WDFY4: variants seen among roughly 807,000 people sequenced by gnomAD.
WDFY4 encodes WDFY family member 4.
WDFY4 carries 169 observed loss-of-function variants against 351.9 expected under a neutral mutation model. That is an observed-to-expected ratio of 0.48 (90% CI 0.42 to 0.55). WDFY4 has a LOEUF of 0.55. Among genes scored for constraint, WDFY4 ranks in the 20% least tolerant of loss-of-function variants. WDFY4 has a pLI of 0.00. For missense variants in WDFY4, 3,803 were observed against 3,935.6 expected (o/e 0.97, Z 0.90); for synonymous variants, 1,622 against 1,574.6 (o/e 1.03, Z -0.71).
intron 28 of WDFY4, among the ~76,000 whole-genome samples, chr10:48,810,274 G>A (rs1251895361): frequency 6.6e-6 from 1 of 152,182 alleles, no homozygotes; most frequent in Non-Finnish European, 1.5e-5. Flanking sequence ...TTACCTATAT[G>A]AATACACAGT....
At chr10:48,975,330 G>C (rs1842521087) in intron 58 of WDFY4, among the ~76,000 whole-genome samples, 1 of 152,188 alleles carries the variant, frequency 6.6e-6, no homozygotes, top group Non-Finnish European at 1.5e-5. Context: ...GGAGGGTTTT[G>C]TTGGATGTGG....
At chr10:48,789,364 C>T (rs757677973) in intron 21 of WDFY4, among the ~76,000 whole-genome samples, 8 of 152,180 alleles carry the variant, frequency 5.3e-5, no homozygotes, top group Non-Finnish European at 1.0e-4. Context: ...AGAGGGTACC[C>T]CCAGAGGATG....
chr10:48,832,677 C>A lies in WDFY4; in HGVS notation c.6631C>A (p.Arg2211=), dbSNP rs12761517. 0.12 allele frequency: 191,285 copies of A among 1,549,106 alleles called. 12,933 individuals are homozygous for A. The highest frequency in any genetic ancestry group is 0.2 in the Middle Eastern group (1,213 of 5,988). The part of the protein sequence containing the change: ...LSSAMKLMPG[R]QAKDPECKTE... ...CTCAGCCATGAAGCTGATGCCCGGG[C>A]GGCAGGCCAAGGACCCTGAGTGCAA... Residue 2211 remains arginine, a synonymous_variant, in exon 39 of 62, where the codon CGG becomes AGG. Coordinates refer to ENST00000325239, the MANE Select transcript of WDFY4 (RefSeq NM_001394531.1).
At chr10:48,781,328 C>T (rs2066218773) in intron 19 of WDFY4, among the ~76,000 whole-genome samples, 1 of 151,778 alleles carries the variant, frequency 6.6e-6, no homozygotes, top group African/African-American at 2.4e-5. Context: ...TAGGATTTCG[C>T]TCTTGTCGCC....
At chr10:48,888,432 C>T (rs988752104) in intron 43 of WDFY4, among the ~76,000 whole-genome samples, 9 of 151,990 alleles carry the variant, frequency 5.9e-5, no homozygotes, top group African/African-American at 2.2e-4. Context: ...ACTTCCTTCC[C>T]TCTGCATTCT....
At chr10:48,891,870 G>A (rs1251372098) in intron 44 of WDFY4, among the ~76,000 whole-genome samples, 3 of 152,222 alleles carry the variant, frequency 2.0e-5, no homozygotes, top group East Asian at 1.9e-4. Flanking sequence ...CCTATGTAAG[G>A]AAGAAAGAGT....
chr10:48,773,693 G>C (rs1373849064), intron 13 of WDFY4, among the ~76,000 whole-genome samples: 1 of 152,192 alleles, frequency 6.6e-6, no homozygotes, highest in Non-Finnish European at 1.5e-5. Context: ...ATGATGGGAG[G>C]GTGGGCGGAG....
chr10:48,746,226 T>C (rs1393742240), intron 12 of WDFY4: 1 of 152,292 alleles, frequency 6.6e-6, no homozygotes, highest in Non-Finnish European at 1.5e-5. Context: ...TTCTGATGAA[T>C]TTTCCCTTAC....
intron 1 of WDFY4, among the ~76,000 whole-genome samples, chr10:48,701,788 C>T (rs1335797349): frequency 1.3e-5 from 2 of 152,184 alleles, no homozygotes; most frequent in Non-Finnish European, 2.9e-5. Flanking sequence ...TGAAATACTA[C>T]TGTTTACCAC....
chr10:48,736,354 G>A, intron 11 of WDFY4: 1 of 598,084 alleles, frequency 1.7e-6, no homozygotes, highest in South Asian at 2.0e-5. Flanking sequence ...GACAAGGGAA[G>A]AGAGACCATG....
chr10:48,725,017 G>T (rs191163630), intron 5 of WDFY4, among the ~76,000 whole-genome samples: 3 of 152,288 alleles, frequency 2.0e-5, no homozygotes, highest in Admixed American at 1.3e-4. Flanking sequence ...GGTTGTCAGG[G>T]TCTGAGGAGG....
chr10:48,800,714 CTTTCTTTCATTCTTTCTTTTT>C, intron 24 of WDFY4, among the ~76,000 whole-genome samples: 1 of 132,770 alleles, frequency 7.5e-6, no homozygotes, highest in South Asian at 2.4e-4. Context: ...TTCTTTCTTT[CTTTCTTTCATTCTTTCTTTTT>C]TTTTTTTTTT....
At chr10:48,836,288 A>G (rs2068390628) in intron 39 of WDFY4, among the ~76,000 whole-genome samples, 1 of 152,252 alleles carries the variant, frequency 6.6e-6, no homozygotes, top group African/African-American at 2.4e-5. Context: ...GTTGAAGGTT[A>G]AAGACTCCGT....
intron 2 of WDFY4, among the ~76,000 whole-genome samples, chr10:48,717,013 TGTGTGAAGTA>T (rs751958810): frequency 3.3e-5 from 5 of 152,242 alleles, no homozygotes; most frequent in Non-Finnish European, 5.9e-5. Flanking sequence ...TGTGCACGCA[TGTGTGAAGTA>T]ATTCAAACCT....
intron 48 of WDFY4, among the ~76,000 whole-genome samples, chr10:48,942,506 G>T (rs888060430): frequency 2.0e-5 from 3 of 152,234 alleles, no homozygotes; most frequent in Admixed American, 1.3e-4. Flanking sequence ...CAGAGCATGG[G>T]TGTCAATTCT....
At chr10:48,739,924 T>C (rs1439845211) in intron 11 of WDFY4, among the ~76,000 whole-genome samples, 1 of 152,102 alleles carries the variant, frequency 6.6e-6, no homozygotes, top group African/African-American at 2.4e-5. Context: ...CAGCATCAAA[T>C]TGGACAACTG....
chr10:48,910,958 T>C, intron 47 of WDFY4: 1 of 971,848 alleles, frequency 1.0e-6, no homozygotes. Context: ...GGAGGGAAAA[T>C]TAATTCTAAA....
chr10:48,871,472 C>A (rs574905462), intron 40 of WDFY4, among the ~76,000 whole-genome samples: 4 of 151,334 alleles, frequency 2.6e-5, no homozygotes, highest in Non-Finnish European at 5.9e-5. Flanking sequence ...GTGGCCCCCC[C>A]CTTTTTTTTT....
At chr10:48,877,896 G>A (rs986820749) in intron 43 of WDFY4, 3 of 152,498 alleles carry the variant, frequency 2.0e-5, no homozygotes, top group South Asian at 4.1e-4. Flanking sequence ...CCAAGTCTAA[G>A]AATGCAATGG....
Sources: gnomAD v4.1 joint callset for allele counts (sites outside exome capture counted in the v4.1 genomes callset) on GRCh38, gnomAD v4.1.1 for gene constraint, MANE v1.5 for transcripts, NCBI Gene and HGNC (gene_info 2026-07-23, HGNC 2026-07-21) for gene names.